The following DENND2C variants were observed in gnomAD, a reference collection of about 807,000 sequenced individuals.
DENND2C encodes the protein DENN domain-containing protein 2C.
In DENND2C, 72 loss-of-function variants were observed where a neutral mutation model predicts 112.4. That is an observed-to-expected ratio of 0.64 (90% CI 0.53 to 0.78). The LOEUF is 0.78. Among genes scored for constraint, DENND2C ranks in the 30% least tolerant of loss-of-function variants. The probability of loss-of-function intolerance (pLI) is 0.00; values close to 1 mark genes in which losing one functional copy is unlikely to be tolerated. For synonymous variants in DENND2C, 329 were observed against 381.6 expected (o/e 0.86, Z 1.61); for missense variants, 992 against 1,113.8 (o/e 0.89, Z 1.56).
chr1:114,632,052 AAT>A (rs1656505045), intron 3 of DENND2C, among the ~76,000 whole-genome samples: 1 of 152,192 alleles, frequency 6.6e-6, no homozygotes, highest in Non-Finnish European at 1.5e-5. Flanking sequence ...TTTTAGAAGG[AAT>A]GACCAATAAA....
At chr1:114,669,832 A>G (rs534199272) in intron 1 of DENND2C, among the ~76,000 whole-genome samples, 151 bp downstream of exon 1, 125 of 152,070 alleles carry the variant, frequency 8.2e-4, no homozygotes, top group African/African-American at 3.0e-3. Context: ...GCGCGGAGAC[A>G]CCACCTCCGC....
chr1:114,642,035 C>T (rs1211333499), intron 3 of DENND2C, among the ~76,000 whole-genome samples: 1 of 152,112 alleles, frequency 6.6e-6, no homozygotes, highest in East Asian at 1.9e-4. Context: ...ACACTGCAAC[C>T]TCTGCCTCCC....
intron 15 of DENND2C, 63 bp downstream of exon 15, chr1:114,600,141 A>C: frequency 6.5e-7 from 1 of 1,549,742 alleles, no homozygotes; most frequent in South Asian, 1.2e-5. Flanking sequence ...AAAATGCCCC[A>C]ATTTTAAAAT....
In DENND2C at chr1:114,602,148, A is replaced by G; in HGVS notation, c.1714T>C (p.Phe572Leu). 1 of 1,613,968 alleles carries G rather than the reference A, an allele frequency of 6.2e-7. No homozygotes were observed. The highest frequency in any genetic ancestry group is 8.5e-7 in the Non-Finnish European group (1 of 1,179,926). ...VLTGEDGSRW[F>L]GYCKKLLPVG... ...ACCAAGAGCTTCTTACAGTAACCAAACCACCGGCTTCCATCTTCACCAGTC... is the reference window on the plus strand; with the variant it reads ...ACCAAGAGCTTCTTACAGTAACCAAGCCACCGGCTTCCATCTTCACCAGTC... Residue 572 changes from phenylalanine to leucine, a missense_variant, in exon 12 of 21, where the codon TTT (phenylalanine) becomes CTT (leucine). Physicochemically the swap from Phe to Leu is conservative, Grantham distance 22. This residue lies in a region of DENND2C where 516 missense variants were observed against 623.6 expected (regional missense o/e 0.83). Coordinates refer to ENST00000393274, the MANE Select transcript of DENND2C (RefSeq NM_001256404.2).
chr1:114,644,989 C>T (rs1023167384), intron 3 of DENND2C, among the ~76,000 whole-genome samples: 1 of 152,110 alleles, frequency 6.6e-6, no homozygotes, highest in Non-Finnish European at 1.5e-5. Context: ...TTTAAAAAAT[C>T]ATTTTACTAG....
At chr1:114,592,949 T>G (rs1278141583) in intron 18 of DENND2C, among the ~76,000 whole-genome samples, 1 of 152,194 alleles carries the variant, frequency 6.6e-6, no homozygotes, top group Non-Finnish European at 1.5e-5. Context: ...TCATGAAGTA[T>G]TCTCTTTGCT....
chr1:114,613,871 C>A (rs528159106), intron 8 of DENND2C, among the ~76,000 whole-genome samples: 1 of 152,164 alleles, frequency 6.6e-6, no homozygotes, highest in African/African-American at 2.4e-5. Context: ...CTTCAACACA[C>A]AAAATTATAA....
chr1:114,665,127 G>C (rs576190299), intron 1 of DENND2C, among the ~76,000 whole-genome samples: 17 of 151,780 alleles, frequency 1.1e-4, no homozygotes, highest in African/African-American at 3.9e-4. Flanking sequence ...AAATTAGCAG[G>C]GGGTGGTGGT....
chr1:114,637,656 A>C (rs1041155599), intron 3 of DENND2C, among the ~76,000 whole-genome samples: 21 of 151,684 alleles, frequency 1.4e-4, no homozygotes, highest in African/African-American at 5.1e-4. Flanking sequence ...CTGCAGGTGT[A>C]TGCCACCACA....
At chr1:114,655,514 C>T (rs1011488355) in intron 1 of DENND2C, among the ~76,000 whole-genome samples, 1 of 152,076 alleles carries the variant, frequency 6.6e-6, no homozygotes, top group African/African-American at 2.4e-5. Context: ...GATGGAGTCT[C>T]GCTCTGTTGC....
chr1:114,602,794 G>A lies in DENND2C; in HGVS notation c.1668-600C>T, dbSNP rs372981565. Among the ~76,000 whole-genome samples, 204 of 152,192 alleles carry A rather than the reference G, an allele frequency of 1.3e-3. 1 individual carries two copies. The highest frequency in any genetic ancestry group is 4.4e-3 in the African/African-American group (183 of 41,524). ...GACAGGGCTGGTCTTAAACACCTGC[G>A]TTCAAATAATCCTTCTGTCTCAGCC... On this transcript the variant is annotated intron_variant, in intron 11 of 20. Transcript: ENST00000393274.
At chr1:114,602,082 A>G (rs28398) in intron 12 of DENND2C, 43 bp downstream of exon 12, 1,588,065 of 1,601,856 alleles carry the variant, frequency 0.99, 787,213 homozygotes, top group East Asian at 1. Context: ...TGACTCAATT[A>G]TTCCTTGACC....
chr1:114,626,509 TC>T (rs960929739), intron 3 of DENND2C, among the ~76,000 whole-genome samples: 3 of 120,072 alleles, frequency 2.5e-5, no homozygotes, highest in African/African-American at 6.8e-5. Flanking sequence ...ATAAATTAAT[TC>T]TTTTTTTTTT....
chr1:114,601,311 T>G (rs1424875873), intron 13 of DENND2C, among the ~76,000 whole-genome samples, 197 bp downstream of exon 13: 1 of 152,192 alleles, frequency 6.6e-6, no homozygotes, highest in Non-Finnish European at 1.5e-5. Context: ...TCCCTTAAGC[T>G]GAAAGTTCTA....
At chr1:114,668,311 A>T (rs1418540176) in intron 1 of DENND2C, among the ~76,000 whole-genome samples, 1 of 152,086 alleles carries the variant, frequency 6.6e-6, no homozygotes, top group Non-Finnish European at 1.5e-5. Flanking sequence ...CACACACAAA[A>T]ATTACATTCA....
chr1:114,623,393 G>A (rs1656219717), intron 5 of DENND2C, 114 bp downstream of exon 5: 2 of 1,063,734 alleles, frequency 1.9e-6, no homozygotes, highest in Middle Eastern at 2.2e-4. Context: ...CCATGCTAAA[G>A]AGAAAAACCT....
intron 4 of DENND2C, among the ~76,000 whole-genome samples, chr1:114,623,941 C>T (rs1281079421): frequency 2.6e-5 from 4 of 152,020 alleles, no homozygotes; most frequent in African/African-American, 9.7e-5. Context: ...TCACCATGAC[C>T]GCCAGGCTGG....
chr1:114,642,762 A>T (rs1656877143), intron 3 of DENND2C, among the ~76,000 whole-genome samples: 1 of 152,244 alleles, frequency 6.6e-6, no homozygotes, highest in Non-Finnish European at 1.5e-5. Flanking sequence ...TATTTATTTT[A>T]TAAGGTTGTG....
intron 3 of DENND2C, among the ~76,000 whole-genome samples, chr1:114,632,751 T>C (rs1416556626): frequency 2.0e-5 from 3 of 152,198 alleles, no homozygotes; most frequent in Non-Finnish European, 4.4e-5. Context: ...TTAAATTTTC[T>C]ATTTAACATT....
Sources: allele counts gnomAD v4.1 joint callset (sites outside exome capture counted in the v4.1 genomes callset), GRCh38; gene constraint gnomAD v4.1.1; regional missense constraint gnomAD v4.1.1; transcripts MANE v1.5; gene names NCBI Gene and HGNC (gene_info 2026-07-23, HGNC 2026-07-21).